The following KRAS variants were observed in gnomAD, a reference collection of about 807,000 sequenced individuals.
KRAS encodes KRas proto-oncogene, GTPase.
A neutral mutation model predicts 21.0 loss-of-function variants in KRAS; 1 was observed. The observed-to-expected ratio is 0.05, with a 90% confidence interval of 0.02 to 0.23. KRAS has a LOEUF of 0.23. Ranked by LOEUF, KRAS falls within the 10% of genes least tolerant of loss-of-function variation. KRAS has a pLI of 1.00. For synonymous variants in KRAS, 67 were observed against 72.5 expected, an observed-to-expected ratio of 0.92 and a Z score of 0.39; for missense variants, 107 against 221.8, an observed-to-expected ratio of 0.48 and a Z score of 3.29.
chr12:25,246,855 T>C (rs1295398365), intron 1 of KRAS, among the ~76,000 whole-genome samples: 1 of 150,916 alleles, frequency 6.6e-6, no homozygotes, highest in Admixed American at 6.6e-5. Context: ...AGGCGGAGCT[T>C]GCAGTGAGCC....
At chr12:25,212,062 A>G (rs960134064) in intron 4 of KRAS, among the ~76,000 whole-genome samples, 1 of 152,230 alleles carries the variant, frequency 6.6e-6, no homozygotes, top group Non-Finnish European at 1.5e-5. Context: ...AAAATTTCCA[A>G]TGATACAATA....
chr12:25,217,040 T>G (rs1311325687), intron 4 of KRAS, among the ~76,000 whole-genome samples: 2 of 152,190 alleles, frequency 1.3e-5, no homozygotes, highest in South Asian at 4.1e-4. Flanking sequence ...GCATACATAT[T>G]TTAGCTTTCT....
chr12:25,206,239 TA>T lies in KRAS; in HGVS notation c.*3555del. ...TGGTGACAACAGTTTTGATAACCTATAAAAGTTAGGTTCTAAATTCCTATGC... is the reference window on the plus strand; with the variant it reads ...TGGTGACAACAGTTTTGATAACCTATAAAGTTAGGTTCTAAATTCCTATGC... On this transcript the variant is annotated 3_prime_UTR_variant, in exon 5 of 5. Transcript: ENST00000311936. 1 of 213,146 alleles carries T rather than the reference TA, an allele frequency of 4.7e-6. No homozygotes were observed. Among genetic ancestry groups the T allele is most frequent in the East Asian group, 7.2e-5 (1 of 13,894 alleles). The allele number at this position is 213,146 out of a possible 1,614,324, so 13.2% of individuals were successfully genotyped here. A position where few individuals can be genotyped will look rare whatever the true frequency, so the allele number is the denominator to read the frequency against.
rs1004141204 is a variant in KRAS at position 25,217,415 on chromosome 12, T to C, written c.451-7504A>G. On this transcript the variant is annotated intron_variant, in intron 4 of 4. Transcript: ENST00000311936. ...AAGTTTCAGTTCAAAGGCAGGCATT[T>C]AAGTAACGTGATTATATGTTAAAAT... is the stretch of plus-strand genomic sequence containing the variant. 1.2e-4 allele frequency among the ~76,000 whole-genome samples: 18 copies of C among 152,322 alleles called. No homozygotes were observed. In the East Asian group the frequency reaches 2.7e-3, roughly 23 times the overall value.
chr12:25,227,201 AATGT>A, intron 3 of KRAS, 29 bp downstream of exon 3: 1 of 1,506,940 alleles, frequency 6.6e-7, no homozygotes, highest in Non-Finnish European at 9.2e-7. Context: ...ATTACTCCTT[AATGT>A]CAGCTTATTA....
At chr12:25,244,717 A>T (rs1391422150) in intron 2 of KRAS, among the ~76,000 whole-genome samples, 1 of 152,198 alleles carries the variant, frequency 6.6e-6, no homozygotes, top group Non-Finnish European at 1.5e-5. Flanking sequence ...GAGTAAATTT[A>T]AAAATGACAA....
At chr12:25,245,093 G>A (rs959501794) in intron 2 of KRAS, among the ~76,000 whole-genome samples, 181 bp downstream of exon 2, 12 of 152,182 alleles carry the variant, frequency 7.9e-5, no homozygotes, top group African/African-American at 2.9e-4. Flanking sequence ...ATACTCCCAA[G>A]GAAAGTAAAG....
At position 25,233,523 on chromosome 12, in the gene KRAS, T is replaced by C. The variant is rs546680819; in HGVS notation, c.112-6111A>G. Among the ~76,000 whole-genome samples, 10 of 152,296 alleles carry C rather than the reference T, an allele frequency of 6.6e-5. No homozygotes were observed. In the South Asian group the frequency reaches 1.7e-3, roughly 25 times the overall value. ...AATGAATGAATGAACGAAGGTAGGTTAGATCATGTCATTCACTTGCTCAAA... is the reference window on the plus strand; with the variant it reads ...AATGAATGAATGAACGAAGGTAGGTCAGATCATGTCATTCACTTGCTCAAA... On this transcript the variant is annotated intron_variant, in intron 2 of 4. Coordinates refer to ENST00000311936, the MANE Select transcript of KRAS (RefSeq NM_004985.5).
chr12:25,229,834 T>A (rs1333140395), intron 2 of KRAS, among the ~76,000 whole-genome samples: 1 of 151,522 alleles, frequency 6.6e-6, no homozygotes, highest in Non-Finnish European at 1.5e-5. Context: ...TGTGGTGCAA[T>A]CTCGGCTCAC....
At chr12:25,242,652 A>G (rs1208045163) in intron 2 of KRAS, among the ~76,000 whole-genome samples, 1 of 152,214 alleles carries the variant, frequency 6.6e-6, no homozygotes, top group African/African-American at 2.4e-5. Flanking sequence ...TTTACATCAT[A>G]CCTCTGCCAC....
chr12:25,235,884 A>G (rs927637293), intron 2 of KRAS, among the ~76,000 whole-genome samples: 15 of 152,186 alleles, frequency 9.9e-5, no homozygotes, highest in Non-Finnish European at 1.8e-4. Context: ...CAGACCATCA[A>G]GCATTAGTTA....
chr12:25,211,623 GTAC>G (rs767972266), intron 4 of KRAS, among the ~76,000 whole-genome samples: 2 of 152,134 alleles, frequency 1.3e-5, no homozygotes, highest in East Asian at 1.9e-4. Context: ...CTCCTTTACT[GTAC>G]TACTAAGATT....
chr12:25,221,044 AAAAAG>A (rs1951317209), intron 4 of KRAS, among the ~76,000 whole-genome samples: 2 of 151,274 alleles, frequency 1.3e-5, no homozygotes, highest in African/African-American at 4.9e-5. Context: ...AAAAAAAAAA[AAAAAG>A]AGTACTAGGG....
At chr12:25,248,059 C>T (rs1023399289) in intron 1 of KRAS, among the ~76,000 whole-genome samples, 2 of 151,940 alleles carry the variant, frequency 1.3e-5, no homozygotes, top group Non-Finnish European at 2.9e-5. Context: ...CAAGGTCTCA[C>T]TATGTTGAGT....
At chr12:25,237,198 C>T (rs962143714) in intron 2 of KRAS, among the ~76,000 whole-genome samples, 20 of 151,972 alleles carry the variant, frequency 1.3e-4, no homozygotes, top group Non-Finnish European at 2.4e-4. Flanking sequence ...TGGACAAATC[C>T]ACAGAGATGG....
Position 25,225,657 on chromosome 12 carries a change from C to T in KRAS, c.407G>A (p.Ser136Asn), listed in dbSNP as rs757816355. Residue 136 changes from serine (S) to asparagine (N), a missense_variant, in exon 4 of 5, where the codon AGT (serine) becomes AAT (asparagine). By Grantham distance (46) the Ser-to-Asn change is conservative (BLOSUM62 1). Transcript: ENST00000311936. ...DTKQAQDLAR[S>N]YGIPFIETSA... Reference sequence around the variant, plus strand: ...TGTTTCAATAAAAGGAATTCCATAACTTCTTGCTAAGTCCTGAGCCTGTTT... The same window carrying T: ...TGTTTCAATAAAAGGAATTCCATAATTTCTTGCTAAGTCCTGAGCCTGTTT... 6.8e-6 allele frequency: 11 copies of T among 1,613,106 alleles called. No individual in the cohort carries two copies. The highest frequency in any genetic ancestry group is 1.1e-5 in the South Asian group (1 of 91,070).
chr12:25,243,777 T>G (rs1460289080), intron 2 of KRAS, among the ~76,000 whole-genome samples: 1 of 152,190 alleles, frequency 6.6e-6, no homozygotes, highest in African/African-American at 2.4e-5. Context: ...AACCCTGAAT[T>G]TGCAATACAG....
intron 4 of KRAS, among the ~76,000 whole-genome samples, chr12:25,210,377 G>A (rs1484682639): frequency 6.6e-6 from 1 of 152,016 alleles, no homozygotes; most frequent in African/African-American, 2.4e-5. Context: ...CTATACTTAC[G>A]TAAAATCCAT....
intron 2 of KRAS, among the ~76,000 whole-genome samples, chr12:25,231,059 G>A (rs1951461684): frequency 7.0e-6 from 1 of 143,204 alleles, no homozygotes; most frequent in Non-Finnish European, 1.5e-5. Context: ...GCTGACCAAA[G>A]ACTCTTCCTA....
Sources: gnomAD v4.1 joint callset for allele counts (sites outside exome capture counted in the v4.1 genomes callset) on GRCh38, gnomAD v4.1.1 for gene constraint, MANE v1.5 for transcripts, NCBI Gene and HGNC (gene_info 2026-07-23, HGNC 2026-07-21) for gene names.